Variants in CFAP299 observed in about 807,000 individuals in gnomAD.
The protein encoded by CFAP299 is cilia and flagella associated protein 299.
A neutral mutation model predicts 27.0 loss-of-function variants in CFAP299; 21 were observed. That is an observed-to-expected ratio of 0.78 (90% CI 0.55 to 1.12). The LOEUF (loss-of-function observed/expected upper bound fraction) is 1.12, where lower values mean the gene tolerates loss of function less well. Ranked by LOEUF, CFAP299 falls within the 50% of genes most tolerant of loss-of-function variation. CFAP299 has a pLI of 0.00. For missense variants in CFAP299, 310 were observed against 276.6 expected (o/e 1.12, Z -0.86); for synonymous variants, 104 against 98.1 (o/e 1.06, Z -0.36).
chr4:80,424,787 A>G (rs910005576), intron 2 of CFAP299, among the ~76,000 whole-genome samples: 2 of 152,210 alleles, frequency 1.3e-5, no homozygotes, highest in Non-Finnish European at 2.9e-5. Flanking sequence ...ACAAAAAAAT[A>G]TATTTAAGAA....
chr4:80,379,357 A>T (rs983428439), intron 2 of CFAP299, among the ~76,000 whole-genome samples: 4 of 151,924 alleles, frequency 2.6e-5, no homozygotes, highest in African/African-American at 9.7e-5. Flanking sequence ...GCTTTTTAAC[A>T]TGAATTGTTT....
chr4:80,886,030 C>A (rs1733952995), intron 4 of CFAP299, among the ~76,000 whole-genome samples: 2 of 152,192 alleles, frequency 1.3e-5, no homozygotes, highest in South Asian at 4.1e-4. Context: ...GACAAAAGAG[C>A]CCTTGGGTTT....
intron 3 of CFAP299, among the ~76,000 whole-genome samples, chr4:80,708,480 A>G (rs554036736): frequency 2.6e-5 from 4 of 152,256 alleles, no homozygotes; most frequent in East Asian, 3.9e-4. Flanking sequence ...TATGATTTCC[A>G]GTTGAATTAT....
At chr4:80,782,062 C>T (rs151132059) in intron 3 of CFAP299, among the ~76,000 whole-genome samples, 24 of 152,200 alleles carry the variant, frequency 1.6e-4, no homozygotes, top group African/African-American at 5.5e-4. Flanking sequence ...ATAGGCATCC[C>T]CGCTTTCCCT....
At chr4:80,618,826 TATA>T (rs1324872571) in intron 3 of CFAP299, among the ~76,000 whole-genome samples, 3 of 152,018 alleles carry the variant, frequency 2.0e-5, no homozygotes, top group Non-Finnish European at 4.4e-5. Flanking sequence ...GTAAGTATAA[TATA>T]ATAATATCAT....
At chr4:80,750,919 A>G (rs1423174130) in intron 3 of CFAP299, among the ~76,000 whole-genome samples, 1 of 152,134 alleles carries the variant, frequency 6.6e-6, no homozygotes, top group Non-Finnish European at 1.5e-5. Flanking sequence ...CTCCTGTATC[A>G]TTTTATCATG....
intron 3 of CFAP299, among the ~76,000 whole-genome samples, chr4:80,669,613 G>A (rs1347416575): frequency 3.4e-5 from 5 of 145,454 alleles, no homozygotes; most frequent in Admixed American, 6.9e-5. Context: ...GTTTTTCTAC[G>A]TATAAGATTA....
intron 3 of CFAP299, among the ~76,000 whole-genome samples, chr4:80,721,641 C>T (rs1722818558): frequency 6.6e-6 from 1 of 152,134 alleles, no homozygotes; most frequent in Admixed American, 6.5e-5. Context: ...GAACTCAATT[C>T]AGCCCATAAC....
At chr4:80,418,297 A>G (rs1727116174) in intron 2 of CFAP299, among the ~76,000 whole-genome samples, 1 of 152,168 alleles carries the variant, frequency 6.6e-6, no homozygotes, top group Admixed American at 6.5e-5. Flanking sequence ...ATGCATATGT[A>G]CATGTGTATA....
intron 2 of CFAP299, among the ~76,000 whole-genome samples, chr4:80,498,485 A>G (rs532527797): frequency 2.1e-4 from 32 of 152,262 alleles, no homozygotes; most frequent in African/African-American, 6.7e-4. Flanking sequence ...TAACAAGCAT[A>G]TGAAAAAATG....
chr4:80,675,908 T>C (rs1046249422), intron 3 of CFAP299, among the ~76,000 whole-genome samples: 1 of 152,242 alleles, frequency 6.6e-6, no homozygotes, highest in Non-Finnish European at 1.5e-5. Flanking sequence ...GCACAGTATG[T>C]GGGTGGGAGT....
rs1252229390 is a variant in CFAP299 at position 80,588,529 on chromosome 4, CAT to C, written c.333+5348_333+5349del. Among the ~76,000 whole-genome samples the C allele has an allele frequency of 4.0e-5, 6 of 150,920 alleles. 1 individual carries two copies. The highest frequency in any genetic ancestry group is 1.5e-4 in the African/African-American group (6 of 40,286). On this transcript the variant is annotated intron_variant, in intron 3 of 5. Transcript: ENST00000358105. ...TTAGTGTTACATACCTGACATGAAA[CAT>C]AGCCATTTGAATTAAAATAAAATGT...
chr4:80,547,187 C>A (rs1486676548), intron 2 of CFAP299, among the ~76,000 whole-genome samples: 2 of 152,034 alleles, frequency 1.3e-5, no homozygotes, highest in Non-Finnish European at 2.9e-5. Context: ...GACACACAGA[C>A]CAATGGAAAA....
chr4:80,338,112 A>AT (rs1722251130), intron 1 of CFAP299, among the ~76,000 whole-genome samples: 1 of 152,086 alleles, frequency 6.6e-6, no homozygotes, highest in African/African-American at 2.4e-5. Context: ...TCTCTCACAC[A>AT]CATCATCATC....
intron 3 of CFAP299, among the ~76,000 whole-genome samples, chr4:80,753,091 T>C (rs1221137810): frequency 6.6e-6 from 1 of 152,100 alleles, no homozygotes; most frequent in Non-Finnish European, 1.5e-5. Context: ...GTTTTCTTTG[T>C]TAATTTGTGT....
chr4:80,945,074 G>A (rs749063568), intron 5 of CFAP299, 135 bp downstream of exon 5: 1 of 797,114 alleles, frequency 1.3e-6, no homozygotes, highest in Admixed American at 2.6e-5. Context: ...TTGAAACTTA[G>A]AGCATGTACT....
At chr4:80,899,889 A>G (rs1396612052) in intron 4 of CFAP299, among the ~76,000 whole-genome samples, 1 of 152,186 alleles carries the variant, frequency 6.6e-6, no homozygotes, top group Non-Finnish European at 1.5e-5. Context: ...CATAAATGCA[A>G]ATTCATTGGA....
chr4:80,870,524 G>C (rs1733019984), intron 4 of CFAP299: 2 of 990,714 alleles, frequency 2.0e-6, no homozygotes, highest in South Asian at 9.2e-5. Context: ...GCTGGCCCCT[G>C]ATCAGCTCAC....
intron 3 of CFAP299, among the ~76,000 whole-genome samples, chr4:80,818,415 T>C (rs914870620): frequency 3.3e-5 from 5 of 152,192 alleles, no homozygotes; most frequent in African/African-American, 1.2e-4. Flanking sequence ...TTTGAAATAC[T>C]ACCTCTTTGT....
Sources: gnomAD v4.1 joint callset for allele counts (sites outside exome capture counted in the v4.1 genomes callset) on GRCh38, gnomAD v4.1.1 for gene constraint, MANE v1.5 for transcripts, NCBI Gene and HGNC (gene_info 2026-07-23, HGNC 2026-07-21) for gene names.